UBA6: variants seen among roughly 807,000 people sequenced by gnomAD.
The protein encoded by UBA6 is ubiquitin-like modifier-activating enzyme 6.
A neutral mutation model predicts 148.3 loss-of-function variants in UBA6; 87 were observed. The observed-to-expected ratio is 0.59, with a 90% confidence interval of 0.49 to 0.70. The LOEUF is 0.70. UBA6 is among the 30% of genes least tolerant of loss of function. The pLI, the probability that UBA6 is intolerant of heterozygous loss-of-function variation, is 0.00. For missense variants in UBA6, 1,186 were observed against 1,241.2 expected (o/e 0.96, Z 0.67); for synonymous variants, 376 against 401.0 (o/e 0.94, Z 0.75).
chr4:67,696,723 T>C lies in UBA6; in HGVS notation c.72-16A>G. On this transcript the variant is annotated splice_polypyrimidine_tract_variant and intron_variant, in intron 1 of 32. Transcript: ENST00000322244. Reference sequence around the variant, plus strand: ...TTTATTTGTGCTGGAAAAAAAAACATGGTTATTAAATATTCACATTTTATA... The same window carrying C: ...TTTATTTGTGCTGGAAAAAAAAACACGGTTATTAAATATTCACATTTTATA... The C allele has an allele frequency of 2.5e-6, 4 of 1,590,006 alleles. No homozygotes were observed. The highest frequency in any genetic ancestry group is 2.6e-6 in the Non-Finnish European group (3 of 1,163,052).
At position 67,615,379 on chromosome 4, in the gene UBA6, C is replaced by T. The variant is rs1045356143; in HGVS notation, c.*3618G>A. 3 of 152,192 alleles carry T rather than the reference C, an allele frequency of 2.0e-5. No homozygotes were observed. Among genetic ancestry groups the T allele is most frequent in the African/African-American group, 7.2e-5 (3 of 41,440 alleles). 9.4% of individuals were successfully genotyped at this position (152,192 alleles called of 1,614,324 possible). A position where few individuals can be genotyped will look rare whatever the true frequency, so the allele number is the denominator to read the frequency against. On this transcript the variant is annotated 3_prime_UTR_variant, in exon 33 of 33. Transcript: ENST00000322244. ...GATGCTGGTGCAATGTTTGTACAAC[C>T]TGCTGAACCATGAGCCAAATAAACC...
At chr4:67,648,410 G>A (rs1361933848) in intron 14 of UBA6, among the ~76,000 whole-genome samples, 3 of 149,736 alleles carry the variant, frequency 2.0e-5, no homozygotes, top group African/African-American at 7.4e-5. Flanking sequence ...AGAGGTTGCA[G>A]TGAGCTAACA....
rs1386053965 is a variant in UBA6 at position 67,615,542 on chromosome 4, T to G, written c.*3455A>C. 2.0e-5 allele frequency: 3 copies of G among 152,242 alleles called. No homozygotes were observed. The highest frequency in any genetic ancestry group is 4.4e-5 in the Non-Finnish European group (3 of 68,046). The allele number at this position is 152,242 out of a possible 1,614,324, so 9.4% of individuals were successfully genotyped here. On this transcript the variant is annotated 3_prime_UTR_variant, in exon 33 of 33. Transcript: ENST00000322244. ...TGAATACCCTATGACCAAAAAATTC[T>G]ACTCCTAAATATATACTCTTTGTAC... is the stretch of plus-strand genomic sequence containing the variant.
At chr4:67,627,846 C>T (rs354867) in intron 27 of UBA6, among the ~76,000 whole-genome samples, 148,065 of 151,522 alleles carry the variant, frequency 0.98, 72,444 homozygotes, top group East Asian at 1. Context: ...AAGGCATATA[C>T]TGAACATGTA....
At chr4:67,633,561 T>C in intron 22 of UBA6, 88 bp from the exon 23 acceptor site, 2 of 1,165,162 alleles carry the variant, frequency 1.7e-6, no homozygotes, top group Non-Finnish European at 2.3e-6. Flanking sequence ...AAGTTTGAAG[T>C]GTCAACTCAT....
chr4:67,657,435 G>C (rs1035858133), intron 13 of UBA6, among the ~76,000 whole-genome samples: 1 of 152,154 alleles, frequency 6.6e-6, no homozygotes, highest in African/African-American at 2.4e-5. Flanking sequence ...AATGGGGAAA[G>C]GATTCCCTAT....
intron 13 of UBA6, 196 bp downstream of exon 13, chr4:67,661,993 A>G: frequency 2.1e-6 from 1 of 471,570 alleles, no homozygotes; most frequent in Non-Finnish European, 3.7e-6. Context: ...TAAATTATTT[A>G]ATGTTCACAA....
chr4:67,661,461 G>A (rs1356253096), intron 13 of UBA6, among the ~76,000 whole-genome samples: 5 of 152,120 alleles, frequency 3.3e-5, no homozygotes, highest in Non-Finnish European at 7.4e-5. Flanking sequence ...CTGTGAAGAG[G>A]TGCCTGCTTC....
chr4:67,642,778 T>C (rs1379206205), intron 17 of UBA6, among the ~76,000 whole-genome samples: 1 of 152,054 alleles, frequency 6.6e-6, no homozygotes, highest in Non-Finnish European at 1.5e-5. Flanking sequence ...AACACTTGTC[T>C]TTCTTTAACT....
intron 18 of UBA6, 46 bp downstream of exon 18, chr4:67,641,105 T>C: frequency 1.7e-6 from 2 of 1,209,708 alleles, no homozygotes; most frequent in Non-Finnish European, 1.2e-6. Context: ...GGAAACTCTT[T>C]TTTGTATAAT....
At chr4:67,693,377 T>C (rs1365926324) in intron 2 of UBA6, among the ~76,000 whole-genome samples, 2 of 151,916 alleles carry the variant, frequency 1.3e-5, no homozygotes, top group Non-Finnish European at 2.9e-5. Flanking sequence ...ATTAAAAATG[T>C]GTGTTAATTG....
chr4:67,651,371 C>CA (rs1729550511), intron 13 of UBA6, among the ~76,000 whole-genome samples: 1 of 152,008 alleles, frequency 6.6e-6, no homozygotes, highest in Non-Finnish European at 1.5e-5. Context: ...TTATGGTGTA[C>CA]GTAAGAAACT....
chr4:67,634,635 C>T (rs1319799511), intron 20 of UBA6, 117 bp from the exon 21 acceptor site: 6 of 644,258 alleles, frequency 9.3e-6, no homozygotes, highest in African/African-American at 1.9e-5. Flanking sequence ...TAAAATCCAA[C>T]CAGACATTTT....
Position 67,649,168 on chromosome 4 carries a change from G to A in UBA6, c.1148C>T (p.Ala383Val). The A allele has an allele frequency of 6.2e-7, 1 of 1,613,662 alleles. No homozygotes were observed. Among genetic ancestry groups the A allele is most frequent in the Non-Finnish European group, 8.5e-7 (1 of 1,179,810 alleles). Residue 383 changes from alanine to valine, a missense_variant, in exon 14 of 33, where the codon GCC (alanine) becomes GTC (valine). Transcript: ENST00000322244. Reference protein sequence around the residue: ...ADIVHWLSWTAQGFLSPLAAA... With the variant: ...ADIVHWLSWTVQGFLSPLAAA... ...AGCAAGTGGAGATAAAAAGCCTTGG[G>A]CAGTCCAAGAGAGCCAATGCACAAT...
chr4:67,647,657 TA>T (rs1164895441), intron 14 of UBA6, among the ~76,000 whole-genome samples: 1 of 149,750 alleles, frequency 6.7e-6, no homozygotes, highest in Non-Finnish European at 1.5e-5. Context: ...AACTGAGTCT[TA>T]ATCTCATTTT....
chr4:67,653,027 T>C (rs1442314165), intron 13 of UBA6, among the ~76,000 whole-genome samples: 3 of 152,196 alleles, frequency 2.0e-5, no homozygotes, highest in Non-Finnish European at 4.4e-5. Context: ...GCTGGTAAGC[T>C]TGAACTGAGT....
In UBA6 at chr4:67,622,865, C is replaced by T. The variant is rs140011683; in HGVS notation, c.2989G>A (p.Val997Ile). The change falls in exon 32 of 33, where the codon GTA becomes ATA. Residue 997 changes from valine (V) to isoleucine (I), a missense_variant. Coordinates refer to ENST00000322244, the MANE Select transcript of UBA6 (RefSeq NM_018227.6). ...VQGVKMLYVP[V>I]MPGHAKRLKL... ...AATCTTTTTGCATGACCAGGCATTACAGGAACATAAAGCATTTTGACTCCC... is the reference window on the plus strand; with the variant it reads ...AATCTTTTTGCATGACCAGGCATTATAGGAACATAAAGCATTTTGACTCCC... 424 of 1,613,006 alleles carry T rather than the reference C, an allele frequency of 2.6e-4. 2 individuals are homozygous for T. The East Asian group carries it at 8.4e-3, about 32-fold the overall frequency.
intron 25 of UBA6, 89 bp from the exon 26 acceptor site, chr4:67,630,624 G>A (rs764065224): frequency 1.2e-4 from 95 of 787,058 alleles, no homozygotes; most frequent in Non-Finnish European, 1.7e-4. Context: ...TTTAAATGTA[G>A]TTTGAAGAAA....
intron 5 of UBA6, among the ~76,000 whole-genome samples, chr4:67,678,026 T>C (rs1041821652): frequency 6.7e-6 from 1 of 148,922 alleles, no homozygotes; most frequent in Non-Finnish European, 1.5e-5. Context: ...TTTAATAAAT[T>C]CAAGGAAATA....
Sources: gnomAD v4.1 joint callset for allele counts (sites outside exome capture counted in the v4.1 genomes callset) on GRCh38, gnomAD v4.1.1 for gene constraint, MANE v1.5 for transcripts, NCBI Gene and HGNC (gene_info 2026-07-23, HGNC 2026-07-21) for gene names.